The following SUCLG2 variants were observed in gnomAD, a reference collection of about 807,000 sequenced individuals.
SUCLG2 encodes succinate--CoA ligase [GDP-forming] subunit beta, mitochondrial.
Under a neutral mutation model 47.9 loss-of-function variants are expected in SUCLG2, and 42 were observed. The observed-to-expected ratio is 0.88, with a 90% CI of 0.69 to 1.14. SUCLG2 has a LOEUF of 1.14. SUCLG2 is among the 50% of genes most tolerant of loss of function. The pLI is 0.00. For missense variants in SUCLG2, 571 were observed against 525.9 expected (o/e 1.09, Z -0.84); for synonymous variants, 195 against 197.3 (o/e 0.99, Z 0.10).
In SUCLG2 at chr3:67,491,093, G is replaced by A. The variant is rs1023031842; in HGVS notation, c.1062+4705C>T. Among the ~76,000 whole-genome samples the A allele has an allele frequency of 7.2e-5, 11 of 152,128 alleles. No homozygotes were observed. The East Asian group carries it at 1.5e-3, about 21-fold the overall frequency. ...CCCAAGCACTTTGGGAGGCCCAGGCGGGAGGACCCCTTGAGATCAGGAGTT... is the reference window on the plus strand; with the variant it reads ...CCCAAGCACTTTGGGAGGCCCAGGCAGGAGGACCCCTTGAGATCAGGAGTT... On this transcript the variant is annotated intron_variant, in intron 9 of 10. Coordinates refer to ENST00000307227, the MANE Select transcript of SUCLG2 (RefSeq NM_003848.4).
intron 9 of SUCLG2, among the ~76,000 whole-genome samples, chr3:67,467,142 A>G (rs998593710): frequency 7.9e-5 from 12 of 152,166 alleles, no homozygotes; most frequent in African/African-American, 2.7e-4. Context: ...TCTTCAGGAG[A>G]ATTTCTAAAT....
chr3:67,410,342 G>A (rs79963093), intron 9 of SUCLG2, among the ~76,000 whole-genome samples: 8,961 of 152,216 alleles, frequency 0.059, 359 homozygotes, highest in Middle Eastern at 0.13. Flanking sequence ...CAGCAGACAG[G>A]GTAGTAGTGG....
chr3:67,454,261 T>C (rs1207677089), intron 9 of SUCLG2, among the ~76,000 whole-genome samples: 1 of 152,134 alleles, frequency 6.6e-6, no homozygotes, highest in African/African-American at 2.4e-5. Context: ...GAACAGTAGC[T>C]GGTATATAGA....
At chr3:67,596,160 G>A (rs896788507) in intron 2 of SUCLG2, among the ~76,000 whole-genome samples, 1 of 152,182 alleles carries the variant, frequency 6.6e-6, no homozygotes, top group African/African-American at 2.4e-5. Context: ...TTTATTTAAA[G>A]TAGTATCCCT....
In SUCLG2 at chr3:67,517,038, T is replaced by C. The variant is rs183426098; in HGVS notation, c.660+1209A>G. On this transcript the variant is annotated intron_variant, in intron 6 of 10. Coordinates refer to ENST00000307227, the MANE Select transcript of SUCLG2 (RefSeq NM_003848.4). ...ACAGATCACTTTCCTGGCATCTCTT[T>C]GCTAGTCTCAGAAATGGCAATTAGT... 8.3e-4 allele frequency among the ~76,000 whole-genome samples: 126 copies of C among 152,320 alleles called. 3 individuals are homozygous for C. The East Asian group carries it at 0.024, about 29-fold the overall frequency.
intron 9 of SUCLG2, among the ~76,000 whole-genome samples, chr3:67,440,312 T>C (rs774472161): frequency 1.3e-4 from 20 of 152,120 alleles, no homozygotes; most frequent in Non-Finnish European, 2.5e-4. Context: ...ATTCATGACA[T>C]AGGCACGGGC....
At chr3:67,414,431 T>C (rs547827048) in intron 9 of SUCLG2, among the ~76,000 whole-genome samples, 1 of 152,324 alleles carries the variant, frequency 6.6e-6, no homozygotes, top group African/African-American at 2.4e-5. Context: ...TGCAGAGTGT[T>C]AATTTTAATT....
At chr3:67,504,506 G>GC (rs1461549423) in intron 7 of SUCLG2, among the ~76,000 whole-genome samples, 3 of 152,146 alleles carry the variant, frequency 2.0e-5, no homozygotes, top group Admixed American at 2.0e-4. Flanking sequence ...CATTCCTTTG[G>GC]CCCAGTGAAT....
At chr3:67,376,082 G>C (rs1040340470) in intron 10 of SUCLG2, 1 of 985,338 alleles carries the variant, frequency 1.0e-6, no homozygotes, top group South Asian at 4.7e-5. Context: ...TTGCAAGAGG[G>C]AAATGAACAT....
intron 2 of SUCLG2, among the ~76,000 whole-genome samples, chr3:67,585,916 G>A (rs1158215192): frequency 3.7e-5 from 5 of 134,560 alleles, no homozygotes; most frequent in Admixed American, 3.4e-4. Flanking sequence ...GCAGTGAGCC[G>A]AGATCATGCC....
Position 67,508,852 on chromosome 3 carries a change from T to C in SUCLG2, c.712A>G (p.Thr238Ala), listed in dbSNP as rs1433353129. ...CCAAAGGGATTCACTTCCACCTGAG[T>C]AGCATCAATTTTCAGGAAGAGATTA... ...LYNLFLKIDA[T>A]QVEVNPFGET... The change falls in exon 7 of 11, where the codon ACT (threonine) becomes GCT (alanine). Residue 238 changes from threonine to alanine, a missense_variant. By Grantham distance (58) the Thr-to-Ala change is moderately conservative (BLOSUM62 0). Coordinates refer to ENST00000307227, the MANE Select transcript of SUCLG2 (RefSeq NM_003848.4). 1 of 1,612,598 alleles carries C rather than the reference T, an allele frequency of 6.2e-7. No individual in the cohort carries two copies. The highest frequency in any genetic ancestry group is 1.3e-5 in the African/African-American group (1 of 74,970).
chr3:67,529,130 C>T lies in SUCLG2; in HGVS notation c.283G>A (p.Val95Ile). The part of the protein sequence containing the change: ...QILAGGRGKG[V>I]FNSGLKGGVH... Reference sequence around the variant, plus strand: ...CCTCCTTTCAAACCACTATTGAAGACACCTTTTCCTCTTCCTCCAGCTAAG... The same window carrying T: ...CCTCCTTTCAAACCACTATTGAAGATACCTTTTCCTCTTCCTCCAGCTAAG... The change falls in exon 3 of 11, where the codon GTC becomes ATC. Residue 95 changes from valine to isoleucine, a missense_variant. Transcript: ENST00000307227. The T allele has an allele frequency of 1.2e-6, 2 of 1,613,526 alleles. No homozygotes were observed. The highest frequency in any genetic ancestry group is 1.7e-6 in the Non-Finnish European group (2 of 1,179,804).
intron 2 of SUCLG2, among the ~76,000 whole-genome samples, chr3:67,590,085 G>T (rs901706357): frequency 1.3e-5 from 2 of 152,044 alleles, no homozygotes; most frequent in Non-Finnish European, 2.9e-5. Flanking sequence ...TTAGGGATGG[G>T]GCCTAACTGC....
At chr3:67,528,021 G>T in intron 4 of SUCLG2, 111 bp downstream of exon 4, 1 of 894,702 alleles carries the variant, frequency 1.1e-6, no homozygotes. Context: ...AAATAAAATG[G>T]CACACTGCCA....
At chr3:67,418,358 C>T (rs1441457266) in intron 9 of SUCLG2, among the ~76,000 whole-genome samples, 1 of 152,064 alleles carries the variant, frequency 6.6e-6, no homozygotes, top group African/African-American at 2.4e-5. Flanking sequence ...GATTTTATTA[C>T]CATTATTTTT....
intron 4 of SUCLG2, among the ~76,000 whole-genome samples, chr3:67,523,093 C>CT (rs1406838608): frequency 6.6e-6 from 1 of 152,018 alleles, no homozygotes; most frequent in Non-Finnish European, 1.5e-5. Context: ...GGCCACATTG[C>CT]TTTTTTTACA....
chr3:67,407,419 AAAG>A lies in SUCLG2; in HGVS notation c.1063-6571_1063-6569del, dbSNP rs536420525. 1.8e-4 allele frequency among the ~76,000 whole-genome samples: 27 copies of A among 152,328 alleles called. No homozygotes were observed. The South Asian group carries it at 5.6e-3, about 32-fold the overall frequency. The stretch of plus-strand genomic sequence containing the variant: ...AGGCAGTAGTGGTGGCCAATTACAT[AAAG>A]GAGTCCAACTTTAATAACATTCCTT... On this transcript the variant is annotated intron_variant, in intron 9 of 10. Transcript: ENST00000307227.
intron 2 of SUCLG2, among the ~76,000 whole-genome samples, chr3:67,551,025 A>G (rs972886615): frequency 5.9e-5 from 9 of 152,268 alleles, no homozygotes; most frequent in African/African-American, 2.2e-4. Flanking sequence ...TATGTTGCCT[A>G]TTGGGCAAAA....
At chr3:67,644,202 T>TC (rs1701152540) in intron 1 of SUCLG2, among the ~76,000 whole-genome samples, 1 of 152,032 alleles carries the variant, frequency 6.6e-6, no homozygotes, top group Non-Finnish European at 1.5e-5. Context: ...GCAGCATTAT[T>TC]CACATAGCCA....
Sources: allele counts gnomAD v4.1 joint callset (sites outside exome capture counted in the v4.1 genomes callset), GRCh38; gene constraint gnomAD v4.1.1; transcripts MANE v1.5; gene names NCBI Gene and HGNC (gene_info 2026-07-23, HGNC 2026-07-21).